NPAS3: variants seen among roughly 807,000 people sequenced by gnomAD.
NPAS3 encodes neuronal PAS domain protein 3, also known as neuronal PAS domain-containing protein 3.
A neutral mutation model predicts 73.1 loss-of-function variants in NPAS3; 14 were observed. The observed-to-expected ratio is 0.19, with a 90% CI of 0.13 to 0.30. The LOEUF (loss-of-function observed/expected upper bound fraction) is 0.30, where lower values mean the gene tolerates loss of function less well. NPAS3 is among the 10% of genes least tolerant of loss of function. The pLI is 1.00. For missense variants in NPAS3, 1,096 were observed against 1,250.0 expected (o/e 0.88, Z 1.86); for synonymous variants, 620 against 541.5 (o/e 1.14, Z -2.01).
At chr14:33,465,588 C>A (rs2050470283) in intron 4 of NPAS3, among the ~76,000 whole-genome samples, 1 of 152,016 alleles carries the variant, frequency 6.6e-6, no homozygotes, top group African/African-American at 2.4e-5. Context: ...TTTTTATTAG[C>A]CCTGTTTTAT....
At chr14:33,733,411 G>C (rs1380076296) in intron 6 of NPAS3, among the ~76,000 whole-genome samples, 2 of 151,754 alleles carry the variant, frequency 1.3e-5, no homozygotes, top group Non-Finnish European at 1.5e-5. Context: ...TAGTAAAATA[G>C]AACTGCACGG....
chr14:33,243,821 G>A (rs2048290017), intron 3 of NPAS3, among the ~76,000 whole-genome samples: 2 of 151,550 alleles, frequency 1.3e-5, no homozygotes, highest in Admixed American at 6.6e-5. Context: ...AGCTTCCCAG[G>A]AGAAATGGAA....
chr14:33,215,865 G>C (rs1024921326), intron 3 of NPAS3, among the ~76,000 whole-genome samples: 1 of 152,100 alleles, frequency 6.6e-6, no homozygotes, highest in African/African-American at 2.4e-5. Context: ...TTAAGTTAAT[G>C]ATTTTATTGA....
intron 4 of NPAS3, among the ~76,000 whole-genome samples, chr14:33,426,728 T>C (rs908542871): frequency 3.3e-5 from 5 of 152,104 alleles, no homozygotes; most frequent in African/African-American, 1.2e-4. Flanking sequence ...TTCCTCTTTA[T>C]ACATTTAGTA....
chr14:33,108,125 A>G (rs2042778116), intron 2 of NPAS3, among the ~76,000 whole-genome samples: 1 of 152,118 alleles, frequency 6.6e-6, no homozygotes, highest in Non-Finnish European at 1.5e-5. Context: ...TCTATGTGCA[A>G]AAAAGCAAAA....
At chr14:33,405,589 G>T (rs549575805) in intron 4 of NPAS3, among the ~76,000 whole-genome samples, 5 of 152,102 alleles carry the variant, frequency 3.3e-5, no homozygotes, top group Non-Finnish European at 7.4e-5. Context: ...ACTAACTCCA[G>T]CTTCTTAGGT....
intron 4 of NPAS3, among the ~76,000 whole-genome samples, chr14:33,518,079 G>A (rs532914393): frequency 7.2e-5 from 11 of 152,218 alleles, no homozygotes; most frequent in Admixed American, 2.0e-4. Context: ...CTAACTTGAA[G>A]AGTAATAAAT....
At chr14:33,301,306 T>TTATATATATATATATATATA (rs1232866435) in intron 3 of NPAS3, among the ~76,000 whole-genome samples, 1 of 81,146 alleles carries the variant, frequency 1.2e-5, no homozygotes, top group Admixed American at 1.2e-4. Context: ...GGTTTTATCA[T>TTATATATATATATATATATA]TATATATATA....
intron 6 of NPAS3, among the ~76,000 whole-genome samples, chr14:33,687,729 A>G (rs1433822136): frequency 6.6e-6 from 1 of 152,266 alleles, no homozygotes; most frequent in Non-Finnish European, 1.5e-5. Context: ...GTTTAGGTAC[A>G]CAAAACATTC....
In NPAS3 at chr14:33,800,093, A is replaced by G. The variant is rs1167816450; in HGVS notation, c.1786A>G (p.Lys596Glu). The G allele has an allele frequency of 6.3e-7, 1 of 1,589,800 alleles. No homozygotes were observed. The highest frequency in any genetic ancestry group is 1.3e-5 in the African/African-American group (1 of 74,826). ...CGAGGCGGGCGCGCAGGCCTCCAGC[A>G]AGCACCAGAAGCGCAAGAAAAGGCG... The change falls in exon 12 of 12, where the codon AAG becomes GAG. Residue 596 changes from lysine to glutamate, a missense_variant. Lys to Glu is a moderately conservative substitution (Grantham distance 56, BLOSUM62 1). Around this residue, in one of 5 missense-constraint regions of NPAS3, gnomAD observed 698 missense variants for 676.7 expected, o/e 1.03. Transcript: ENST00000356141. This position sits in a 1 kb window ranked among gnomAD's most constrained non-coding sequence, Gnocchi z 6.5.
intron 1 of NPAS3, among the ~76,000 whole-genome samples, chr14:33,015,335 G>A (rs1232536463): frequency 6.6e-6 from 1 of 152,096 alleles, no homozygotes; most frequent in African/African-American, 2.4e-5. Flanking sequence ...TTTGGGGCTA[G>A]TAAAGAGAAG....
intron 2 of NPAS3, among the ~76,000 whole-genome samples, chr14:33,143,611 T>C (rs913254207): frequency 2.0e-5 from 3 of 152,242 alleles, no homozygotes; most frequent in Admixed American, 2.0e-4. Flanking sequence ...GTGAACAATT[T>C]AGTGGCATTA....
intron 5 of NPAS3, among the ~76,000 whole-genome samples, chr14:33,594,395 G>C (rs1217550113): frequency 6.6e-6 from 1 of 152,210 alleles, no homozygotes; most frequent in South Asian, 2.1e-4. Context: ...CTATACTGTG[G>C]TTGAATGAAT....
At chr14:33,135,208 G>A (rs549544271) in intron 2 of NPAS3, among the ~76,000 whole-genome samples, 52 of 152,292 alleles carry the variant, frequency 3.4e-4, no homozygotes, top group Middle Eastern at 3.4e-3. Flanking sequence ...AGCAATCCCT[G>A]AAGTTATAGG....
At chr14:33,019,011 A>G (rs967622322) in intron 1 of NPAS3, among the ~76,000 whole-genome samples, 2 of 151,850 alleles carry the variant, frequency 1.3e-5, no homozygotes, top group Non-Finnish European at 2.9e-5. Context: ...AAGGTTATTC[A>G]TTTTAGAACT....
intron 7 of NPAS3, among the ~76,000 whole-genome samples, chr14:33,738,063 A>G (rs898849722): frequency 2.0e-5 from 3 of 152,154 alleles, no homozygotes; most frequent in African/African-American, 4.8e-5. Context: ...CTTACTGAAC[A>G]TTGACTGCGT....
At chr14:33,039,914 A>G (rs2040297188) in intron 1 of NPAS3, among the ~76,000 whole-genome samples, 1 of 152,150 alleles carries the variant, frequency 6.6e-6, no homozygotes, top group Non-Finnish European at 1.5e-5. Context: ...TGTTTCAGTC[A>G]TTTCCTTGAT....
At chr14:33,036,585 C>T (rs11846946) in intron 1 of NPAS3, among the ~76,000 whole-genome samples, 4,128 of 152,174 alleles carry the variant, frequency 0.027, 153 homozygotes, top group African/African-American at 0.084. Flanking sequence ...GGAAGTAATA[C>T]CTGAAACAGA....
chr14:33,130,265 G>GT (rs1332087356), intron 2 of NPAS3, among the ~76,000 whole-genome samples: 5 of 151,988 alleles, frequency 3.3e-5, no homozygotes, highest in Admixed American at 6.6e-5. Context: ...TTAAAAATAA[G>GT]TTACTCTCCC....
Sources: allele counts gnomAD v4.1 joint callset (sites outside exome capture counted in the v4.1 genomes callset), GRCh38; gene constraint gnomAD v4.1.1; regional missense constraint gnomAD v4.1.1; non-coding constraint Gnocchi (gnomAD v3.1); transcripts MANE v1.5; gene names NCBI Gene and HGNC (gene_info 2026-07-23, HGNC 2026-07-21).